The following ESYT3 variants were observed in gnomAD, a reference collection of about 807,000 sequenced individuals.
The protein encoded by ESYT3 is extended synaptotagmin-3.
ESYT3 carries 101 observed loss-of-function variants against 111.5 expected under a neutral mutation model. The ratio of observed to expected loss-of-function variants is 0.91; its 90% confidence interval spans 0.77 to 1.07. The LOEUF is 1.07. ESYT3 is among the 50% of genes least tolerant of loss of function. ESYT3 has a pLI of 0.00. For synonymous variants in ESYT3, 416 were observed against 446.8 expected (o/e 0.93, Z 0.87); for missense variants, 1,097 against 1,109.4 (o/e 0.99, Z 0.16).
rs943838501 is a variant in ESYT3, at chr3:138,435,884, T to G, written c.327+759T>G. Among the ~76,000 whole-genome samples the G allele has an allele frequency of 2.4e-4, 36 of 152,176 alleles. No homozygotes were observed. Among genetic ancestry groups the G allele is most frequent in the African/African-American group, 4.8e-4 (20 of 41,454 alleles). On this transcript the variant is annotated intron_variant, in intron 1 of 22. Coordinates refer to ENST00000389567, the MANE Select transcript of ESYT3 (RefSeq NM_031913.5). The surrounding 1 kb of genome is among the most constrained non-coding windows in gnomAD (Gnocchi z 4.8). ...GGGTGATTCTTATGATTAGGTGAGC[T>G]TGGGAAACACCGGCAAGAGGGGTGT...
At chr3:138,468,026 C>A in intron 11 of ESYT3, 79 bp from the exon 12 acceptor site, 1 of 1,348,316 alleles carries the variant, frequency 7.4e-7, no homozygotes, top group South Asian at 1.2e-5. Context: ...GATGCCAGGT[C>A]TCAGGACTGG....
rs1335582192 is a variant in ESYT3 at position 138,478,123 on chromosome 3, G to A, written c.*1269G>A. ...CTGTAGCATTTACTGTTGATACTGA[G>A]TATTTTCCATTTTAATAGTTCCCAG... is the stretch of plus-strand genomic sequence containing the variant. On this transcript the variant is annotated 3_prime_UTR_variant, in exon 23 of 23. Coordinates refer to ENST00000389567, the MANE Select transcript of ESYT3 (RefSeq NM_031913.5). 2 of 152,140 alleles carry A rather than the reference G, an allele frequency of 1.3e-5. No individual in the cohort carries two copies. The highest frequency in any genetic ancestry group is 2.1e-4 in the South Asian group (1 of 4,828). 9.4% of individuals were successfully genotyped at this position (152,140 alleles called of 1,614,324 possible).
chr3:138,437,264 G>T (rs1002930518), intron 1 of ESYT3, among the ~76,000 whole-genome samples: 6 of 152,124 alleles, frequency 3.9e-5, no homozygotes, highest in Admixed American at 2.0e-4. Flanking sequence ...TAGAAGGCCT[G>T]GTATGAAGGA....
rs1160440702 is a variant in ESYT3, at chr3:138,434,640, C to A, written c.-159C>A. 4.6e-6 allele frequency: 3 copies of A among 650,762 alleles called. No homozygotes were observed. Among genetic ancestry groups the A allele is most frequent in the Non-Finnish European group, 2.5e-6 (1 of 403,858 alleles). 40.3% of individuals were successfully genotyped at this position (650,762 alleles called of 1,614,324 possible). A position where few individuals can be genotyped will look rare whatever the true frequency, so the allele number is the denominator to read the frequency against. The stretch of plus-strand genomic sequence containing the variant: ...TGCATTTCCAGGCGCTGCTCTCCGT[C>A]GCAGAGAACCCTGAGCTCGGCGCGC... On this transcript the variant is annotated 5_prime_UTR_variant, in exon 1 of 23. Transcript: ENST00000389567.
At chr3:138,455,056 C>A (rs1010148863) in intron 2 of ESYT3, 138 bp from the exon 3 acceptor site, 1 of 905,842 alleles carries the variant, frequency 1.1e-6, no homozygotes, top group Non-Finnish European at 1.7e-6. Flanking sequence ...GGTGGGCAGG[C>A]AAGCAGGTGA....
chr3:138,455,268 C>G lies in ESYT3; in HGVS notation c.444C>G (p.Ile148Met), dbSNP rs1265167433. 3 of 1,614,036 alleles carry G rather than the reference C, an allele frequency of 1.9e-6. No homozygotes were observed. Among genetic ancestry groups the G allele is most frequent in the Non-Finnish European group, 2.5e-6 (3 of 1,180,042 alleles). Residue 148 changes from isoleucine to methionine, a missense_variant, in exon 3 of 23, where the codon ATC becomes ATG. Physicochemically the swap from Ile to Met is conservative, Grantham distance 10. Coordinates refer to ENST00000389567, the MANE Select transcript of ESYT3 (RefSeq NM_031913.5). ...TCCGGGAGAAACTTGAGCCCAAGAT[C>G]CGAGAGAAGAGCATCCACCTGAGGA... ...SKFREKLEPK[I>M]REKSIHLRTF...
intron 4 of ESYT3, among the ~76,000 whole-genome samples, chr3:138,458,973 T>C (rs2032458152): frequency 6.6e-6 from 1 of 152,152 alleles, no homozygotes; most frequent in African/African-American, 2.4e-5. Context: ...AGGGGCTGCC[T>C]CCTGGGGTCT....
intron 1 of ESYT3, among the ~76,000 whole-genome samples, chr3:138,444,631 ACTTC>A (rs1352887457): frequency 6.6e-6 from 1 of 152,190 alleles, no homozygotes; most frequent in Non-Finnish European, 1.5e-5. Context: ...CCCTGGGCGC[ACTTC>A]CTTCTCTTCC....
chr3:138,476,493 G>GT lies in ESYT3; in HGVS notation c.2624+2dup, dbSNP rs2033488346. ...ATCTGATTAAGGGCTTTTCACAATG[G>GT]TAAGTGTGCCCTTTCATTTTATCAC... On this transcript the variant is annotated splice_donor_variant, in intron 22 of 22. Transcript: ENST00000389567. LOFTEE classifies it high-confidence loss of function. 1 of 1,613,246 alleles carries GT rather than the reference G, an allele frequency of 6.2e-7. No homozygotes were observed. Among genetic ancestry groups the GT allele is most frequent in the African/African-American group, 1.3e-5 (1 of 75,032 alleles).
chr3:138,446,239 A>G (rs1336878371), intron 1 of ESYT3, among the ~76,000 whole-genome samples: 3 of 152,240 alleles, frequency 2.0e-5, no homozygotes, highest in Non-Finnish European at 4.4e-5. Flanking sequence ...TAAAACCCCT[A>G]CATGATGCTG....
chr3:138,459,112 G>T, intron 4 of ESYT3, 75 bp from the exon 5 acceptor site: 1 of 1,265,028 alleles, frequency 7.9e-7, no homozygotes, highest in South Asian at 1.6e-5. Flanking sequence ...TGTGACACTG[G>T]GCAAGTTTCC....
rs534113359 is a variant in ESYT3 at position 138,459,521 on chromosome 3, G to C, written c.648+268G>C. 1.6e-4 allele frequency among the ~76,000 whole-genome samples: 25 copies of C among 152,358 alleles called. No individual in the cohort carries two copies. In the South Asian group the frequency reaches 5.0e-3, roughly 30 times the overall value. ...AGGCTTTGGCTGCCTGGCGAGGAGA[G>C]AGATGGTGTTCATGGAGCGATGGAA... On this transcript the variant is annotated intron_variant, in intron 5 of 22. Coordinates refer to ENST00000389567, the MANE Select transcript of ESYT3 (RefSeq NM_031913.5).
rs2030506337 is a variant in ESYT3, at chr3:138,434,857, C to T, written c.59C>T (p.Thr20Met). The T allele has an allele frequency of 1.9e-6, 3 of 1,549,310 alleles. No individual in the cohort carries two copies. Among genetic ancestry groups the T allele is most frequent in the African/African-American group, 1.4e-5 (1 of 72,970 alleles). The change falls in exon 1 of 23, where the codon ACG becomes ATG. Residue 20 changes from threonine to methionine, a missense_variant. Coordinates refer to ENST00000389567, the MANE Select transcript of ESYT3 (RefSeq NM_031913.5). ...GAPSALGAQR[T>M]PGPELRLSSQ... ...CCCAGCGCCCTGGGAGCCCAGCGCA[C>T]GCCGGGCCCCGAGCTGCGCCTGTCC...
chr3:138,444,481 G>T (rs568272249), intron 1 of ESYT3, among the ~76,000 whole-genome samples: 2 of 152,320 alleles, frequency 1.3e-5, no homozygotes, highest in South Asian at 4.2e-4. Flanking sequence ...TAGAGAGCTG[G>T]ATTTGTCTCT....
intron 6 of ESYT3, 120 bp downstream of exon 6, chr3:138,460,154 G>A: frequency 2.5e-6 from 2 of 798,534 alleles, no homozygotes; most frequent in Non-Finnish European, 4.1e-6. Context: ...TGAGACCTGG[G>A]CAGTCACACT....
At position 138,467,585 on chromosome 3, in the gene ESYT3, CA is replaced by C. The variant is rs1267392154; in HGVS notation, c.1195del (p.Met399Ter). On this transcript the variant is annotated frameshift_variant, in exon 11 of 23. Transcript: ENST00000389567. LOFTEE classifies it high-confidence loss of function. ...GSLQICLGDV[M>X]TNRVVDEWFV... ...GCCTGCAGATCTGCCTTGGAGATGT[CA>C]TGACCAACAGAGTGGTGGATGAGGT... The C allele has an allele frequency of 1.2e-6, 2 of 1,614,040 alleles. No individual in the cohort carries two copies. The highest frequency in any genetic ancestry group is 1.7e-6 in the Non-Finnish European group (2 of 1,180,018).
rs558085385 is a variant in ESYT3, at chr3:138,477,545, A to ATTAT, written c.*694_*697dup. ...TAAGGGCCAAACTCCAGCGTGTAGC[A>ATTAT]TTATTTCCATAGGAAAATGCAAACC... On this transcript the variant is annotated 3_prime_UTR_variant, in exon 23 of 23. Coordinates refer to ENST00000389567, the MANE Select transcript of ESYT3 (RefSeq NM_031913.5). 6.6e-6 allele frequency: 1 copy of ATTAT among 152,234 alleles called. No individual in the cohort carries two copies. Among genetic ancestry groups the ATTAT allele is most frequent in the Non-Finnish European group, 1.5e-5 (1 of 68,060 alleles). The allele number at this position is 152,234 out of a possible 1,614,324, so 9.4% of individuals were successfully genotyped here. A position where few individuals can be genotyped will look rare whatever the true frequency, so the allele number is the denominator to read the frequency against.
At chr3:138,473,442 CT>C in intron 18 of ESYT3, 93 bp from the exon 19 acceptor site, 6 of 1,098,190 alleles carry the variant, frequency 5.5e-6, no homozygotes, top group Non-Finnish European at 8.3e-6. Flanking sequence ...TGGCTCTATA[CT>C]CCTCAAGCAG....
rs2108609033 is a variant in ESYT3, at chr3:138,455,396, A to G, written c.504+68A>G. 1.9e-6 allele frequency: 3 copies of G among 1,565,054 alleles called. No homozygotes were observed. The East Asian group carries it at 6.8e-5, about 35-fold the overall frequency. On this transcript the variant is annotated intron_variant, in intron 3 of 22. Coordinates refer to ENST00000389567, the MANE Select transcript of ESYT3 (RefSeq NM_031913.5). ...TCTTCTCTCTGTTCCCTCTCCTCCC[A>G]CCTTTCTCCCACCCAGGTCAGTCAT...
Sources: gnomAD v4.1 joint callset for allele counts (sites outside exome capture counted in the v4.1 genomes callset) on GRCh38, gnomAD v4.1.1 for gene constraint, Gnocchi (gnomAD v3.1) non-coding constraint, MANE v1.5 for transcripts, NCBI Gene and HGNC (gene_info 2026-07-23, HGNC 2026-07-21) for gene names.